The following TSPAN10 variants were observed in gnomAD, a reference collection of about 807,000 sequenced individuals.
TSPAN10 encodes tetraspanin 10.
In TSPAN10, 11 loss-of-function variants were observed where a neutral mutation model predicts 15.0. The observed-to-expected ratio is 0.73, with a 90% CI of 0.46 to 1.21. The LOEUF is 1.21. Ranked by LOEUF, TSPAN10 falls within the 50% of genes most tolerant of loss-of-function variation. The pLI is 0.00. For missense variants in TSPAN10, 486 were observed against 470.6 expected (o/e 1.03, Z -0.30); for synonymous variants, 241 against 226.2 (o/e 1.07, Z -0.59).
upstream of TSPAN10, among the ~76,000 whole-genome samples, chr17:81,639,974 C>T (rs1218307597): frequency 2.0e-5 from 3 of 149,956 alleles, no homozygotes; most frequent in Admixed American, 6.6e-5. Flanking sequence ...AGCAAGACTC[C>T]GTCTCAAAAA....
intron 1 of TSPAN10, among the ~76,000 whole-genome samples, chr17:81,643,800 A>C (rs1304700487): frequency 6.6e-6 from 1 of 151,680 alleles, no homozygotes; most frequent in Non-Finnish European, 1.5e-5. Context: ...TGCCCAGCAC[A>C]CAGCCATGGC....
chr17:81,647,803 T>C lies in TSPAN10; in HGVS notation c.675-98T>C, dbSNP rs760874539. 1.0e-5 allele frequency: 14 copies of C among 1,340,486 alleles called. No homozygotes were observed. The South Asian group carries it at 1.6e-4, about 16-fold the overall frequency. The allele number at this position is 1,340,486 out of a possible 1,614,324, so 83.0% of individuals were successfully genotyped here. A position where few individuals can be genotyped will look rare whatever the true frequency, so the allele number is the denominator to read the frequency against. The stretch of plus-strand genomic sequence containing the variant: ...GTGTGTGCATGTGCCTGTGTGGCCA[T>C]GGAAGGGTGAAGGTGGGTAGGCGAC... On this transcript the variant is annotated intron_variant, in intron 2 of 2. Transcript: ENST00000611590.
upstream of TSPAN10, chr17:81,637,627 C>T: frequency 2.1e-6 from 1 of 483,780 alleles, no homozygotes; most frequent in East Asian, 3.5e-5. Flanking sequence ...GGTGAAACCC[C>T]GTCTCTACTC....
chr17:81,643,390 T>C (rs1260174370), intron 1 of TSPAN10, among the ~76,000 whole-genome samples: 2 of 39,928 alleles, frequency 5.0e-5, no homozygotes, highest in Non-Finnish European at 7.9e-5. Context: ...GGCGGGCGGA[T>C]CACGAGGTTA....
exon 3 of TSPAN10, chr17:81,648,073 C>G: frequency 1.3e-6 from 2 of 1,592,302 alleles, no homozygotes; most frequent in Non-Finnish European, 1.7e-6. Context: ...CGGCCCGCCG[C>G]TCCGGCGGTG....
chr17:81,642,971 G>A (rs2036193693), intron 1 of TSPAN10, among the ~76,000 whole-genome samples: 1 of 148,624 alleles, frequency 6.7e-6, no homozygotes, highest in Admixed American at 6.8e-5. Context: ...GGGCAATGTA[G>A]CGAGACCCTG....
chr17:81,644,333 C>G (rs2144379686), intron 1 of TSPAN10, among the ~76,000 whole-genome samples: 1 of 149,726 alleles, frequency 6.7e-6, no homozygotes, highest in African/African-American at 2.5e-5. Flanking sequence ...ACCCTCCTCC[C>G]TGTCCTGGGA....
At chr17:81,642,644 C>T in intron 1 of TSPAN10, among the ~76,000 whole-genome samples, 196 bp downstream of exon 2, 1 of 152,204 alleles carries the variant, frequency 6.6e-6, no homozygotes, top group Non-Finnish European at 1.5e-5. Flanking sequence ...CTCTCAGCCC[C>T]ATGCTGGCCT....
chr17:81,641,589 C>T (rs73371213), upstream of TSPAN10, among the ~76,000 whole-genome samples: 1,659 of 148,084 alleles, frequency 0.011, 38 homozygotes, highest in African/African-American at 0.038. Context: ...TGCTGTGCTG[C>T]ACCACCCAGA....
At chr17:81,637,632 C>G, upstream of TSPAN10, 1 of 482,224 alleles carries the variant, frequency 2.1e-6, no homozygotes, top group Non-Finnish European at 3.7e-6. Context: ...AACCCCGTCT[C>G]TACTCAAAAT....
chr17:81,648,068 C>T (rs746584048), exon 3 of TSPAN10: 4 of 1,591,686 alleles, frequency 2.5e-6, no homozygotes, highest in Middle Eastern at 1.7e-4. Flanking sequence ...GGCTGCGGCC[C>T]GCCGCTCCGG....
upstream of TSPAN10, among the ~76,000 whole-genome samples, chr17:81,639,658 C>T (rs2036160089): frequency 6.7e-6 from 1 of 149,654 alleles, no homozygotes. Flanking sequence ...AGCGCGGTGG[C>T]TCACGCCTGT....
upstream of TSPAN10, chr17:81,642,254 G>C: frequency 2.9e-6 from 2 of 684,388 alleles, no homozygotes; most frequent in Non-Finnish European, 5.1e-6. Context: ...TCCGGCATCT[G>C]GGTAGGGCTC....
Position 81,645,428 on chromosome 17 carries a change from T to C in TSPAN10, c.473T>C (p.Leu158Pro), listed in dbSNP as rs769175331. Residue 158 changes from leucine to proline, a missense_variant, in exon 2 of 3, where the codon CTT becomes CCT. Transcript: ENST00000611590. ...TTACGTGGCTTCTCTGGGGGCATCC[T>C]TGCCTTCCTGGTGCTTGAGGCCGTG... 2.5e-6 allele frequency: 4 copies of C among 1,602,896 alleles called. No homozygotes were observed. In the South Asian group the frequency reaches 4.4e-5, roughly 18 times the overall value.
In TSPAN10 at chr17:81,644,129, G is replaced by A. The variant is rs181981131; in HGVS notation, c.37-863G>A. ...CTCCCAAAGTGCTGGGATGACAGGCGTGAGCCACAACGTCCAGCCCGGCCA... is the reference window on the plus strand; with the variant it reads ...CTCCCAAAGTGCTGGGATGACAGGCATGAGCCACAACGTCCAGCCCGGCCA... On this transcript the variant is annotated intron_variant, in intron 1 of 2. Coordinates refer to ENST00000611590, the Ensembl canonical transcript of TSPAN10. Among the ~76,000 whole-genome samples the A allele has an allele frequency of 4.6e-3, 695 of 151,830 alleles. 24 individuals are homozygous for A. Among genetic ancestry groups the A allele is most frequent in the Admixed American group, 0.038 (575 of 15,200 alleles).
At chr17:81,642,236 A>C, upstream of TSPAN10, 1 of 597,936 alleles carries the variant, frequency 1.7e-6, no homozygotes, top group South Asian at 2.0e-5. Context: ...ACATGACTCA[A>C]CTGTGACTCC....
upstream of TSPAN10, chr17:81,639,167 ATCTC>A (rs1404657047): frequency 6.7e-6 from 1 of 149,370 alleles, no homozygotes; most frequent in Non-Finnish European, 1.5e-5. Flanking sequence ...ACATAACAAA[ATCTC>A]TCACAGACTG....
chr17:81,641,366 T>G (rs978148434), upstream of TSPAN10, among the ~76,000 whole-genome samples: 1 of 151,932 alleles, frequency 6.6e-6, no homozygotes, highest in Non-Finnish European at 1.5e-5. Context: ...CTGCAGCATA[T>G]CCCACTTCTC....
chr17:81,644,302 G>C lies in TSPAN10; in HGVS notation c.37-690G>C, dbSNP rs985824707. On this transcript the variant is annotated intron_variant, in intron 1 of 2. Coordinates refer to ENST00000611590, the Ensembl canonical transcript of TSPAN10. ...TCTGAAGGCCCTGCAGCCTCCAGGCGGTCTTCCTGGGCTCTTGGGCACCCT... is the reference window on the plus strand; with the variant it reads ...TCTGAAGGCCCTGCAGCCTCCAGGCCGTCTTCCTGGGCTCTTGGGCACCCT... Among the ~76,000 whole-genome samples, 5 of 121,988 alleles carry C rather than the reference G, an allele frequency of 4.1e-5. 1 individual carries two copies. The highest frequency in any genetic ancestry group is 1.7e-4 in the African/African-American group (5 of 30,134). The allele number at this position is 121,988 out of a possible 152,430, so 80.0% of individuals were successfully genotyped here.
Sources: gnomAD v4.1 joint callset for allele counts (sites outside exome capture counted in the v4.1 genomes callset) on GRCh38, gnomAD v4.1.1 for gene constraint, MANE v1.5 for transcripts, NCBI Gene and HGNC (gene_info 2026-07-23, HGNC 2026-07-21) for gene names.